SCGN: variants seen among roughly 807,000 people sequenced by gnomAD.
SCGN encodes secretagogin.
SCGN carries 30 observed loss-of-function variants against 39.7 expected under a neutral mutation model. The ratio of observed to expected loss-of-function variants is 0.76; its 90% CI spans 0.57 to 1.03. The LOEUF is 1.03. Ranked by LOEUF, SCGN falls within the 50% of genes least tolerant of loss-of-function variation. The pLI is 0.00. For missense variants in SCGN, 353 were observed against 349.4 expected, an observed-to-expected ratio of 1.01 and a Z score of -0.08; for synonymous variants, 106 against 114.1, an observed-to-expected ratio of 0.93 and a Z score of 0.45.
Position 25,693,167 on chromosome 6 carries a change from A to G in SCGN, c.702+2043A>G, listed in dbSNP as rs572828231. Among the ~76,000 whole-genome samples, 8 of 152,166 alleles carry G rather than the reference A, an allele frequency of 5.3e-5. No homozygotes were observed. In the South Asian group the frequency reaches 1.5e-3, roughly 28 times the overall value. ...AGTCTTTATTATTTTATTAGAACAA[A>G]GCGGCCGGGCGCGGTGGCTCATGCC... On this transcript the variant is annotated intron_variant, in intron 10 of 10. Coordinates refer to ENST00000377961, the MANE Select transcript of SCGN (RefSeq NM_006998.4).
At chr6:25,682,158 C>A (rs1051723662) in intron 7 of SCGN, 152 bp downstream of exon 7, 13 of 626,502 alleles carry the variant, frequency 2.1e-5, no homozygotes, top group African/African-American at 2.0e-4. Flanking sequence ...GATTCTAAAT[C>A]TTTTAGGGTA....
At position 25,652,455 on chromosome 6, in the gene SCGN, T is replaced by C; in HGVS notation, c.52T>C (p.Trp18Arg). 2 of 1,614,100 alleles carry C rather than the reference T, an allele frequency of 1.2e-6. No homozygotes were observed. Among genetic ancestry groups the C allele is most frequent in the Non-Finnish European group, 8.5e-7 (1 of 1,180,004 alleles). The stretch of plus-strand genomic sequence containing the variant: ...GGGGCGCTTGGACGCCGCTGGCTTC[T>C]GGCAGGTCTGGCAGCGCTTTGATGC... ...TLGRLDAAGF[W>R]QVWQRFDADE... Residue 18 changes from tryptophan (W) to arginine (R), a missense_variant, in exon 1 of 11, where the codon TGG becomes CGG. By Grantham distance (101) the Trp-to-Arg change is moderately radical. Coordinates refer to ENST00000377961, the MANE Select transcript of SCGN (RefSeq NM_006998.4).
chr6:25,672,229 G>A (rs761617537), intron 6 of SCGN, among the ~76,000 whole-genome samples: 20 of 152,092 alleles, frequency 1.3e-4, no homozygotes, highest in Non-Finnish European at 2.2e-4. Flanking sequence ...AATTTATTCC[G>A]CAAATATTCA....
At chr6:25,678,339 T>C (rs1759591844) in intron 6 of SCGN, among the ~76,000 whole-genome samples, 1 of 152,086 alleles carries the variant, frequency 6.6e-6, no homozygotes, top group Admixed American at 6.5e-5. Context: ...AGTGAATTAG[T>C]GTAAAGAGGG....
Position 25,652,452 on chromosome 6 carries a change from T to C in SCGN, c.49T>C (p.Phe17Leu), listed in dbSNP as rs1760151341. 3.1e-6 allele frequency: 5 copies of C among 1,614,136 alleles called. No individual in the cohort carries two copies. The highest frequency in any genetic ancestry group is 1.3e-5 in the African/African-American group (1 of 75,052). The change falls in exon 1 of 11, where the codon TTC (phenylalanine) becomes CTC (leucine). Residue 17 changes from phenylalanine (F) to leucine (L), a missense_variant. Physicochemically the swap from Phe to Leu is conservative, Grantham distance 22. Transcript: ENST00000377961. ...TCTGGGGCGCTTGGACGCCGCTGGC[T>C]TCTGGCAGGTCTGGCAGCGCTTTGA... is the stretch of plus-strand genomic sequence containing the variant. ...PTLGRLDAAGFWQVWQRFDAD... is the reference protein window; with the variant it reads ...PTLGRLDAAGLWQVWQRFDAD...
At chr6:25,660,962 G>A (rs1582571990) in intron 2 of SCGN, among the ~76,000 whole-genome samples, 1 of 152,182 alleles carries the variant, frequency 6.6e-6, no homozygotes, top group East Asian at 1.9e-4. Context: ...TTTTACTGTA[G>A]TAACCATAAA....
intron 10 of SCGN, among the ~76,000 whole-genome samples, chr6:25,698,446 C>T (rs1759865542): frequency 6.6e-6 from 1 of 152,198 alleles, no homozygotes; most frequent in Non-Finnish European, 1.5e-5. Flanking sequence ...GTGTAAATGA[C>T]TACCACTTGA....
rs74918542 is a variant in SCGN at position 25,687,818 on chromosome 6, T to C, written c.528-1354T>C. Among the ~76,000 whole-genome samples, 233 of 152,282 alleles carry C rather than the reference T, an allele frequency of 1.5e-3. 2 individuals are homozygous for C. In the East Asian group the frequency reaches 0.018, roughly 12 times the overall value. On this transcript the variant is annotated intron_variant, in intron 7 of 10. Transcript: ENST00000377961. ...CACGTTCAACAGACATTTTCCAGTGTACTATTTTAATTCCCTTATTATTTG... is the reference window on the plus strand; with the variant it reads ...CACGTTCAACAGACATTTTCCAGTGCACTATTTTAATTCCCTTATTATTTG...
chr6:25,681,599 C>T (rs917753336), intron 6 of SCGN, among the ~76,000 whole-genome samples: 1 of 152,166 alleles, frequency 6.6e-6, no homozygotes, highest in Non-Finnish European at 1.5e-5. Flanking sequence ...ATTTATTATT[C>T]TTTCTTTCTG....
At chr6:25,665,890 A>G (rs1760416079) in intron 4 of SCGN, among the ~76,000 whole-genome samples, 1 of 152,240 alleles carries the variant, frequency 6.6e-6, no homozygotes, top group African/African-American at 2.4e-5. Context: ...AAAATATGCA[A>G]TACTTTCAAG....
chr6:25,664,263 C>T (rs1760390867), intron 3 of SCGN, among the ~76,000 whole-genome samples: 1 of 152,164 alleles, frequency 6.6e-6, no homozygotes, highest in Admixed American at 6.5e-5. Context: ...AGCTAACACT[C>T]AAGTATCAAG....
At chr6:25,696,341 G>A (rs1034062206) in intron 10 of SCGN, among the ~76,000 whole-genome samples, 1 of 151,908 alleles carries the variant, frequency 6.6e-6, no homozygotes, top group African/African-American at 2.4e-5. Flanking sequence ...TATGGTTGAG[G>A]TTATAGTGAA....
At position 25,689,532 on chromosome 6, in the gene SCGN, T is replaced by A; in HGVS notation, c.633T>A (p.Val211=). The change falls in exon 9 of 11, where the codon GTT becomes GTA. Residue 211 remains valine, a splice_region_variant and synonymous_variant. Transcript: ENST00000377961. ...AGAAAATCTTTGCCTACTATGATGT[T>A]GTAAGTGTGCGTCTTTATACTGTGC... is the stretch of plus-strand genomic sequence containing the variant. ...DFEKIFAYYD[V]SKTGALEGPE... is the part of the protein sequence containing the mutation. 2 of 1,613,276 alleles carry A rather than the reference T, an allele frequency of 1.2e-6. No individual in the cohort carries two copies. The highest frequency in any genetic ancestry group is 1.7e-6 in the Non-Finnish European group (2 of 1,179,252).
At position 25,682,034 on chromosome 6, in the gene SCGN, A is replaced by G. The variant is rs3765236; in HGVS notation, c.527+28A>G. 2.6e-6 allele frequency: 4 copies of G among 1,540,178 alleles called. No homozygotes were observed. In the East Asian group the frequency reaches 6.7e-5, roughly 26 times the overall value. On this transcript the variant is annotated intron_variant, in intron 7 of 10. Transcript: ENST00000377961. ...GAGTTACATGGAAATGATATCATAC[A>G]TTCAGAAATACCTTACTAGGGGTCT...
chr6:25,663,120 G>A (rs1042832143), intron 3 of SCGN, among the ~76,000 whole-genome samples: 2 of 152,142 alleles, frequency 1.3e-5, no homozygotes, highest in African/African-American at 4.8e-5. Flanking sequence ...TCGTTCCCAA[G>A]GCGCCTTAAA....
At chr6:25,682,093 A>C in intron 7 of SCGN, 87 bp downstream of exon 7, 3 of 984,756 alleles carry the variant, frequency 3.0e-6, no homozygotes, top group Non-Finnish European at 3.2e-6. Context: ...GAGACTGGAG[A>C]TCAAGCCTCA....
intron 4 of SCGN, among the ~76,000 whole-genome samples, chr6:25,667,143 C>T (rs555519160): frequency 3.3e-5 from 5 of 151,878 alleles, no homozygotes; most frequent in African/African-American, 7.2e-5. Context: ...GTACAGTGAA[C>T]ATGATATCAG....
intron 4 of SCGN, among the ~76,000 whole-genome samples, chr6:25,668,664 C>T (rs913544515): frequency 6.6e-6 from 1 of 151,820 alleles, no homozygotes; most frequent in East Asian, 1.9e-4. Context: ...GTGCAGTTTT[C>T]TCATAAAACT....
intron 2 of SCGN, among the ~76,000 whole-genome samples, chr6:25,659,405 T>C (rs1760292544): frequency 6.6e-6 from 1 of 152,214 alleles, no homozygotes; most frequent in Non-Finnish European, 1.5e-5. Flanking sequence ...GAAAGTGCAC[T>C]AGACCAGATA....
Sources: allele counts gnomAD v4.1 joint callset (sites outside exome capture counted in the v4.1 genomes callset), GRCh38; gene constraint gnomAD v4.1.1; transcripts MANE v1.5; gene names NCBI Gene and HGNC (gene_info 2026-07-23, HGNC 2026-07-21).